Variants in FRMPD1 observed in about 807,000 individuals in gnomAD.
The protein encoded by FRMPD1 is FERM and PDZ domain-containing protein 1.
In FRMPD1, 76 loss-of-function variants were observed where a neutral mutation model predicts 117.8. That is an observed-to-expected ratio of 0.65 (90% CI 0.54 to 0.78). The LOEUF (loss-of-function observed/expected upper bound fraction) is 0.78, where lower values mean the gene tolerates loss of function less well. FRMPD1 is among the 30% of genes least tolerant of loss of function. FRMPD1 has a pLI of 0.00. For synonymous variants in FRMPD1, 783 were observed against 770.4 expected (o/e 1.02, Z -0.27); for missense variants, 1,786 against 1,964.5 (o/e 0.91, Z 1.72).
rs746303862 is a variant in FRMPD1 at position 37,719,167 on chromosome 9, A to C, written c.507A>C (p.Gly169=). The C allele has an allele frequency of 6.2e-7, 1 of 1,601,530 alleles. No individual in the cohort carries two copies. Among genetic ancestry groups the C allele is most frequent in the South Asian group, 1.1e-5 (1 of 90,812 alleles). ...VHFAEEVLIS[G]HSQGNSLLCM... ...TTGCTGAAGAAGTGCTCATCAGTGGACACAGCCAGGTGTGTCACTAGTCAA... is the reference window on the plus strand; with the variant it reads ...TTGCTGAAGAAGTGCTCATCAGTGGCCACAGCCAGGTGTGTCACTAGTCAA... Residue 169 remains glycine, a synonymous_variant, in exon 6 of 16, where the codon GGA becomes GGC. Transcript: ENST00000377765.
chr9:37,728,775 C>A (rs535230741), intron 7 of FRMPD1, among the ~76,000 whole-genome samples: 1 of 152,012 alleles, frequency 6.6e-6, no homozygotes, highest in South Asian at 2.1e-4. Flanking sequence ...CCAGTATGAC[C>A]AACATGGTGA....
At chr9:37,679,739 G>A (rs1821655855) in intron 1 of FRMPD1, among the ~76,000 whole-genome samples, 1 of 152,206 alleles carries the variant, frequency 6.6e-6, no homozygotes, top group African/African-American at 2.4e-5. Context: ...TGTGACTTGG[G>A]TCACATGTCC....
chr9:37,608,333 C>T, the FRMPD1 span, among the ~76,000 whole-genome samples: 3 of 152,092 alleles, frequency 2.0e-5, no homozygotes, highest in African/African-American at 7.2e-5. Flanking sequence ...GGCCTAGAAA[C>T]CAATTTCAAA....
At position 37,701,495 on chromosome 9, in the gene FRMPD1, G is replaced by C. The variant is rs543612954; in HGVS notation, c.102-5921G>C. Among the ~76,000 whole-genome samples the C allele has an allele frequency of 2.7e-3, 368 of 138,216 alleles. 2 individuals carry two copies. Among genetic ancestry groups the C allele is most frequent in the African/African-American group, 9.1e-3 (349 of 38,546 alleles). 90.7% of individuals were successfully genotyped at this position (138,216 alleles called of 152,430 possible). A position where few individuals can be genotyped will look rare whatever the true frequency, so the allele number is the denominator to read the frequency against. On this transcript the variant is annotated intron_variant, in intron 2 of 15. Coordinates refer to ENST00000377765, the MANE Select transcript of FRMPD1 (RefSeq NM_014907.3). The stretch of plus-strand genomic sequence containing the variant: ...ATTGTGTGTGTGTGTGTGTGCGCGC[G>C]TGTGTGTGCATGTACGTGTGTGTGT...
At chr9:37,714,821 A>AT (rs1563945126) in intron 5 of FRMPD1, among the ~76,000 whole-genome samples, 1 of 151,550 alleles carries the variant, frequency 6.6e-6, no homozygotes, top group Non-Finnish European at 1.5e-5. Flanking sequence ...TAATTTTTAT[A>AT]TTTTTTGGTA....
At chr9:37,643,064 A>AG in the FRMPD1 span, among the ~76,000 whole-genome samples, 2 of 152,220 alleles carry the variant, frequency 1.3e-5, no homozygotes, top group Non-Finnish European at 2.9e-5. Context: ...AACTTATTAC[A>AG]GTCTACTGCT....
chr9:37,725,678 C>T (rs1823589218), intron 7 of FRMPD1, among the ~76,000 whole-genome samples: 1 of 152,194 alleles, frequency 6.6e-6, no homozygotes, highest in Non-Finnish European at 1.5e-5. Flanking sequence ...TTACTACATG[C>T]CAGGCACGCT....
chr9:37,618,885 G>A, the FRMPD1 span, among the ~76,000 whole-genome samples: 404 of 152,258 alleles, frequency 2.7e-3, 4 homozygotes, highest in African/African-American at 9.4e-3. Context: ...TTAGTGGGAG[G>A]AGGCAAATCT....
At position 37,740,608 on chromosome 9, in the gene FRMPD1, C is replaced by A; in HGVS notation, c.2080C>A (p.Leu694Met). The change falls in exon 15 of 16, where the codon CTG (leucine) becomes ATG (methionine). Residue 694 changes from leucine to methionine, a missense_variant. Physicochemically the swap from Leu to Met is conservative, Grantham distance 15. Coordinates refer to ENST00000377765, the MANE Select transcript of FRMPD1 (RefSeq NM_014907.3). This position sits in a 1 kb window ranked among gnomAD's most constrained non-coding sequence, Gnocchi z 4.2. ...GGCACCAGAACTGAGCACAGTCAGGCTGGACCCCAGGCTGTATGAAGGCAG... is the reference window on the plus strand; with the variant it reads ...GGCACCAGAACTGAGCACAGTCAGGATGGACCCCAGGCTGTATGAAGGCAG... ...GWAPELSTVR[L>M]DPRLYEGSHA... 1.2e-6 allele frequency: 2 copies of A among 1,614,192 alleles called. No individual in the cohort carries two copies. Among genetic ancestry groups the A allele is most frequent in the Non-Finnish European group, 1.7e-6 (2 of 1,180,020 alleles).
At chr9:37,702,652 G>T (rs1299572157) in intron 2 of FRMPD1, among the ~76,000 whole-genome samples, 1 of 152,190 alleles carries the variant, frequency 6.6e-6, no homozygotes, top group Non-Finnish European at 1.5e-5. Flanking sequence ...GTGGATGCTG[G>T]CTAGGGACTG....
intron 1 of FRMPD1, chr9:37,668,681 T>C (rs1821247305): frequency 6.6e-6 from 1 of 152,244 alleles, no homozygotes; most frequent in Non-Finnish European, 1.5e-5. Context: ...TTCTCAATTG[T>C]GATACCTTCT....
chr9:37,624,464 T>C, the FRMPD1 span, among the ~76,000 whole-genome samples: 3 of 152,334 alleles, frequency 2.0e-5, no homozygotes, highest in Admixed American at 1.3e-4. Flanking sequence ...TTATATTTCA[T>C]GTCTTGGAGC....
chr9:37,641,845 T>C, the FRMPD1 span, among the ~76,000 whole-genome samples: 1 of 152,182 alleles, frequency 6.6e-6, no homozygotes, highest in Non-Finnish European at 1.5e-5. Flanking sequence ...TTAGATTTAC[T>C]CTGCTTATGC....
rs748142227 is a variant in FRMPD1 at position 37,711,373 on chromosome 9, T to A, written c.386T>A (p.Ile129Asn). 1.9e-6 allele frequency: 3 copies of A among 1,610,554 alleles called. No homozygotes were observed. Among genetic ancestry groups the A allele is most frequent in the Non-Finnish European group, 2.5e-6 (3 of 1,176,718 alleles). Residue 129 changes from isoleucine to asparagine, a missense_variant, in exon 5 of 16, where the codon ATC becomes AAC. Physicochemically the swap from Ile to Asn is moderately radical, Grantham distance 149. Coordinates refer to ENST00000377765, the MANE Select transcript of FRMPD1 (RefSeq NM_014907.3). Reference sequence around the variant, plus strand: ...AGGGAAGCAGAAGATTCTCTTTCAATCACAGTTGTTCGCTGCACGTCGGTA... The same window carrying A: ...AGGGAAGCAGAAGATTCTCTTTCAAACACAGTTGTTCGCTGCACGTCGGTA... ...ILREAEDSLS[I>N]TVVRCTSGVP... is the part of the protein sequence containing the mutation.
the FRMPD1 span, among the ~76,000 whole-genome samples, chr9:37,609,091 G>A: frequency 2.0e-5 from 3 of 152,038 alleles, no homozygotes; most frequent in South Asian, 2.1e-4. Flanking sequence ...AGGAGTTCGA[G>A]ACCAGCCTGA....
chr9:37,643,897 G>A, the FRMPD1 span, among the ~76,000 whole-genome samples: 1 of 152,200 alleles, frequency 6.6e-6, no homozygotes, highest in Non-Finnish European at 1.5e-5. Flanking sequence ...GACACTCCCA[G>A]AATTAATAGG....
At chr9:37,719,728 A>C (rs1402696416) in intron 6 of FRMPD1, among the ~76,000 whole-genome samples, 1 of 152,188 alleles carries the variant, frequency 6.6e-6, no homozygotes, top group Non-Finnish European at 1.5e-5. Flanking sequence ...AAAATGCAGG[A>C]GCCCAGGTCC....
the FRMPD1 span, among the ~76,000 whole-genome samples, chr9:37,610,486 AAAAAACAAAT>A: frequency 6.6e-6 from 1 of 151,982 alleles, no homozygotes; most frequent in African/African-American, 2.4e-5. Context: ...AAACAACAAC[AAAAAACAAAT>A]GGTATACTGT....
the FRMPD1 span, among the ~76,000 whole-genome samples, chr9:37,628,235 T>C: frequency 3.9e-5 from 6 of 152,356 alleles, no homozygotes; most frequent in South Asian, 1.0e-3. Context: ...GGCTTTATGT[T>C]GCAAGGCTGT....
Sources: allele counts gnomAD v4.1 joint callset (sites outside exome capture counted in the v4.1 genomes callset), GRCh38; gene constraint gnomAD v4.1.1; non-coding constraint Gnocchi (gnomAD v3.1); transcripts MANE v1.5; gene names NCBI Gene and HGNC (gene_info 2026-07-23, HGNC 2026-07-21).